Variants in HTR2C observed in about 807,000 individuals in gnomAD.
The protein encoded by HTR2C is 5-hydroxytryptamine receptor 2C, also known as 5-hydroxytryptamine (serotonin) receptor 2C, G protein-coupled.
In HTR2C, 5 loss-of-function variants were observed where a neutral mutation model predicts 21.0. The observed-to-expected ratio is 0.24, with a 90% confidence interval of 0.12 to 0.50. The LOEUF (loss-of-function observed/expected upper bound fraction) is 0.50. Ranked by LOEUF, HTR2C falls within the 20% of genes least tolerant of loss-of-function variation. HTR2C has a pLI of 0.98. For synonymous variants in HTR2C, 150 were observed against 145.3 expected (o/e 1.03, Z -0.23); for missense variants, 271 against 371.2 (o/e 0.73, Z 2.22).
At chrX:114,726,700 A>G (rs1331113207) in intron 2 of HTR2C, among the ~76,000 whole-genome samples, 158 bp from the exon 3 acceptor site, 2 of 112,476 alleles carry the variant, frequency 1.8e-5, no homozygotes, top group Non-Finnish European at 3.7e-5. Context: ...TCTCTTTGCC[A>G]TATTTTATCA....
chrX:114,729,054 G>T (rs1556422711), intron 3 of HTR2C, among the ~76,000 whole-genome samples: 2 of 112,102 alleles, frequency 1.8e-5, no homozygotes, highest in East Asian at 5.6e-4. Flanking sequence ...ACAGAACATT[G>T]TTTTTTAAAA....
intron 4 of HTR2C, among the ~76,000 whole-genome samples, chrX:114,750,100 G>C (rs782224665): frequency 9.0e-6 from 1 of 111,442 alleles, no homozygotes; most frequent in African/African-American, 3.3e-5. Context: ...GTGTGTAAGT[G>C]CAACTACCTC....
intron 4 of HTR2C, among the ~76,000 whole-genome samples, chrX:114,822,220 C>A (rs2070641007): frequency 9.0e-6 from 1 of 111,156 alleles, no homozygotes; most frequent in Admixed American, 9.6e-5. Context: ...ATGACATAGT[C>A]AAAGAGATTT....
chrX:114,725,603 A>G (rs1243722160), intron 2 of HTR2C, among the ~76,000 whole-genome samples: 2 of 111,349 alleles, frequency 1.8e-5, no homozygotes, highest in African/African-American at 6.5e-5. Context: ...TGCATTTTAG[A>G]GTTTCCAGTT....
chrX:114,844,955 AC>A, intron 4 of HTR2C, among the ~76,000 whole-genome samples: 1 of 111,897 alleles, frequency 8.9e-6, no homozygotes. Flanking sequence ...AATGGACAGA[AC>A]AACAAGACAG....
At chrX:114,585,236 A>G in intron 1 of HTR2C, among the ~76,000 whole-genome samples, 1 of 111,110 alleles carries the variant, frequency 9.0e-6, no homozygotes, top group Non-Finnish European at 1.9e-5. Flanking sequence ...CTCAGCGAAC[A>G]TCCGTAACTC....
At chrX:114,841,264 G>A (rs782392031) in intron 4 of HTR2C, among the ~76,000 whole-genome samples, 3 of 112,006 alleles carry the variant, frequency 2.7e-5, no homozygotes, top group Non-Finnish European at 3.8e-5. Context: ...ATGACACATC[G>A]TAAAACAATT....
intron 4 of HTR2C, among the ~76,000 whole-genome samples, chrX:114,787,501 G>A (rs1556442377): frequency 8.9e-6 from 1 of 111,793 alleles, no homozygotes; most frequent in Non-Finnish European, 1.9e-5. Context: ...AAATGCTCGA[G>A]AGACCTCATC....
intron 3 of HTR2C, among the ~76,000 whole-genome samples, chrX:114,727,448 T>C (rs1381721768): frequency 8.9e-6 from 1 of 111,770 alleles, no homozygotes; most frequent in African/African-American, 3.3e-5. Flanking sequence ...GAAGTATTGA[T>C]GCAGTGACCC....
intron 4 of HTR2C, among the ~76,000 whole-genome samples, chrX:114,751,669 A>G (rs1556428091): frequency 8.9e-6 from 1 of 111,787 alleles, no homozygotes; most frequent in Non-Finnish European, 1.9e-5. Flanking sequence ...ACTTCATAAT[A>G]TGCTTCAAAA....
chrX:114,836,995 G>GT (rs2070792635), intron 4 of HTR2C, among the ~76,000 whole-genome samples: 1 of 111,225 alleles, frequency 9.0e-6, no homozygotes, highest in African/African-American at 3.3e-5. Context: ...AGACTTTCTT[G>GT]TTTTTTTCCA....
rs1434854866 is a variant in HTR2C, at chrX:114,782,553, C to CA, written c.349+50953dup. Among the ~76,000 whole-genome samples, 40 of 110,077 alleles carry CA rather than the reference C, an allele frequency of 3.6e-4. 1 individual carries two copies. Among genetic ancestry groups the CA allele is most frequent in the Middle Eastern group, 4.7e-3 (1 of 214 alleles). ...GCAACATAGGAAGACCCTGTCTCCACAAAAAAATTAAAAGATTAGCTGGGC... is the reference window on the plus strand; with the variant it reads ...GCAACATAGGAAGACCCTGTCTCCACAAAAAAAATTAAAAGATTAGCTGGGC... On this transcript the variant is annotated intron_variant, in intron 4 of 5. Transcript: ENST00000276198.
At chrX:114,642,379 A>G (rs1556406643) in intron 2 of HTR2C, among the ~76,000 whole-genome samples, 1 of 112,069 alleles carries the variant, frequency 8.9e-6, no homozygotes, top group East Asian at 2.8e-4. Context: ...GGAAATATCA[A>G]GGCTACATCT....
chrX:114,865,578 GGTGTATAGAGATCACCGTTT>G (rs2071039020), intron 5 of HTR2C, among the ~76,000 whole-genome samples: 1 of 111,170 alleles, frequency 9.0e-6, no homozygotes, highest in East Asian at 2.9e-4. Context: ...TATTCCAGTT[GGTGTATAGAGATCACCGTTT>G]GTGGTTTTAA....
intron 4 of HTR2C, among the ~76,000 whole-genome samples, chrX:114,769,803 C>A (rs2069982247): frequency 9.0e-6 from 1 of 110,692 alleles, no homozygotes; most frequent in Non-Finnish European, 1.9e-5. Flanking sequence ...GTCTTTTAAA[C>A]CATTTGGAAA....
At chrX:114,830,633 TA>T (rs1288033910) in intron 4 of HTR2C, among the ~76,000 whole-genome samples, 2 of 99,559 alleles carry the variant, frequency 2.0e-5, no homozygotes, top group Non-Finnish European at 4.0e-5. Flanking sequence ...TATTTTATTT[TA>T]TTTTTTTTAA....
intron 4 of HTR2C, among the ~76,000 whole-genome samples, chrX:114,805,176 A>G (rs2070389327): frequency 9.0e-6 from 1 of 111,057 alleles, no homozygotes; most frequent in South Asian, 3.7e-4. Context: ...ATGGGGTGCC[A>G]TGATTGTTCT....
chrX:114,823,781 T>C (rs1018606152), intron 4 of HTR2C, among the ~76,000 whole-genome samples: 1 of 111,129 alleles, frequency 9.0e-6, no homozygotes, highest in Non-Finnish European at 1.9e-5. Context: ...CATTAAACCA[T>C]ATTAGCAACA....
chrX:114,684,719 C>T (rs1346616941), intron 2 of HTR2C, among the ~76,000 whole-genome samples: 1 of 110,784 alleles, frequency 9.0e-6, no homozygotes, highest in Non-Finnish European at 1.9e-5. Flanking sequence ...TGCAAAAATA[C>T]CAAATCTAAG....
Sources: allele counts gnomAD v4.1 joint callset (sites outside exome capture counted in the v4.1 genomes callset), GRCh38; gene constraint gnomAD v4.1.1; transcripts MANE v1.5; gene names NCBI Gene and HGNC (gene_info 2026-07-23, HGNC 2026-07-21).